The following NBPF9 variants were observed in gnomAD, a reference collection of about 807,000 sequenced individuals.
NBPF9 encodes NBPF family member NBPF9.
Under a neutral mutation model 97.8 loss-of-function variants are expected in NBPF9, and 91 were observed. The ratio of observed to expected loss-of-function variants is 0.93; its 90% CI spans 0.79 to 1.11. The LOEUF is 1.11. Among genes scored for constraint, NBPF9 ranks in the 50% least tolerant of loss-of-function variants. The pLI is 0.00. For synonymous variants in NBPF9, 334 were observed against 359.5 expected (o/e 0.93, Z 0.80); for missense variants, 992 against 939.5 (o/e 1.06, Z -0.73).
intron 5 of NBPF9, among the ~76,000 whole-genome samples, chr1:149,089,168 C>A (rs1372795259): frequency 2.0e-5 from 3 of 152,316 alleles, no homozygotes; most frequent in Admixed American, 1.3e-4. Context: ...CCCGCCATGA[C>A]CTCCAGCCTG....
chr1:149,064,217 T>C (rs1472574896), intron 19 of NBPF9, among the ~76,000 whole-genome samples: 6 of 140,340 alleles, frequency 4.3e-5, no homozygotes, highest in African/African-American at 1.1e-4. Context: ...TTTTGAGGTA[T>C]GGTCAACTTT....
intron 5 of NBPF9, among the ~76,000 whole-genome samples, chr1:149,087,855 C>CA (rs2081140634): frequency 9.0e-6 from 1 of 111,060 alleles, no homozygotes; most frequent in Admixed American, 1.1e-4. Flanking sequence ...TTTTTTGAGA[C>CA]AGAGTCTTGC....
At chr1:149,101,140 A>G in intron 3 of NBPF9, 122 bp downstream of exon 3, 1 of 151,708 alleles carries the variant, frequency 6.6e-6, no homozygotes, top group African/African-American at 2.4e-5. Context: ...TAATCCCAAC[A>G]CTTTGGGAGG....
intron 4 of NBPF9, among the ~76,000 whole-genome samples, chr1:149,097,905 C>T (rs2081895303): frequency 6.6e-6 from 1 of 152,036 alleles, no homozygotes; most frequent in African/African-American, 2.4e-5. Context: ...AAAGTGGCCT[C>T]TCTTTTAACC....
At chr1:149,065,164 A>T (rs1575829764) in intron 18 of NBPF9, 1 of 603,718 alleles carries the variant, frequency 1.7e-6, no homozygotes, top group East Asian at 2.8e-5. Flanking sequence ...AAAACTCATA[A>T]GGAATTTTGT....
exon 16 of NBPF9, chr1:149,070,954 T>A (rs1347230966): frequency 5.0e-6 from 8 of 1,612,626 alleles, no homozygotes; most frequent in East Asian, 4.5e-5. Flanking sequence ...GTGTACAGCA[T>A]CTTCCCGTTC....
intron 12 of NBPF9, 57 bp downstream of exon 12, chr1:149,075,598 A>G (rs1553654090): frequency 1.3e-6 from 2 of 1,486,972 alleles, no homozygotes; most frequent in East Asian, 2.3e-5. Flanking sequence ...TTAGTTCCTC[A>G]GAGAGAAGAC....
At chr1:149,072,382 G>A (rs1390862616) in intron 14 of NBPF9, among the ~76,000 whole-genome samples, 3 of 152,136 alleles carry the variant, frequency 2.0e-5, no homozygotes, top group African/African-American at 7.2e-5. Context: ...CGAAAAGACA[G>A]CCTGGGAACC....
In NBPF9 at chr1:149,060,071, C is replaced by A; in HGVS notation, c.2477-263G>T. On this transcript the variant is annotated intron_variant, in intron 24 of 29. Transcript: ENST00000584027. ...TCCCAAATTTGTGCAAACAGTTATG[C>A]CATATTTTTCCAATCAATTTAAAGC... The A allele has an allele frequency of 9.8e-6, 3 of 306,492 alleles. 1 individual carries two copies. The highest frequency in any genetic ancestry group is 1.8e-5 in the Non-Finnish European group (3 of 167,570). The allele number at this position is 306,492 out of a possible 1,614,324, so 19.0% of individuals were successfully genotyped here.
intron 27 of NBPF9, among the ~76,000 whole-genome samples, chr1:149,057,760 G>A (rs61807983): frequency 9.4e-6 from 1 of 106,462 alleles, no homozygotes; most frequent in African/African-American, 3.4e-5. Context: ...CACAGAGAGA[G>A]AGAGAGAGAG....
chr1:149,059,740 T>C (rs2078480551), exon 25 of NBPF9: 3 of 587,954 alleles, frequency 5.1e-6, no homozygotes, highest in Non-Finnish European at 8.9e-6. Context: ...CCTTCTTTTC[T>C]TCCCCTTCTT....
At chr1:149,076,477 T>A (rs1275358849) in intron 11 of NBPF9, among the ~76,000 whole-genome samples, 1 of 149,438 alleles carries the variant, frequency 6.7e-6, no homozygotes, top group Non-Finnish European at 1.5e-5. Flanking sequence ...GATTAAGATG[T>A]GAGCCAGCGC....
At chr1:149,080,403 A>C (rs1429515959) in intron 7 of NBPF9, among the ~76,000 whole-genome samples, 1 of 150,650 alleles carries the variant, frequency 6.6e-6, no homozygotes, top group South Asian at 2.1e-4. Flanking sequence ...ATTCAACCAC[A>C]ACGAAGTGGA....
chr1:149,101,393 GAA>G lies in NBPF9; in HGVS notation c.-723-16_-723-15del, dbSNP rs1246585001. On this transcript the variant is annotated splice_polypyrimidine_tract_variant and intron_variant, in intron 2 of 29. Transcript: ENST00000584027. ...ACAGAGTGAGATCTTGTCTCAAAAA[GAA>G]AAAAAAAAGTTAGAGAATCTCCATT... is the stretch of plus-strand genomic sequence containing the variant. The G allele has an allele frequency of 7.6e-6, 1 of 131,352 alleles. No individual in the cohort carries two copies. The highest frequency in any genetic ancestry group is 1.6e-5 in the Non-Finnish European group (1 of 61,018). The allele number at this position is 131,352 out of a possible 1,614,324, so 8.1% of individuals were successfully genotyped here.
chr1:149,079,260 G>T lies in NBPF9; in HGVS notation c.279-39C>A, dbSNP rs77394861. On this transcript the variant is annotated intron_variant, in intron 8 of 29. Transcript: ENST00000584027. ...GTAGAGAAAATTTAAGAGTAGAAAG[G>T]GTTGAGTGATCCGTTCAAATATTGC... The T allele has an allele frequency of 0.039, 40,839 of 1,054,686 alleles. 4,625 individuals carry two copies. The East Asian group carries it at 0.42, about 11-fold the overall frequency. 65.3% of individuals were successfully genotyped at this position (1,054,686 alleles called of 1,614,324 possible).
chr1:149,070,667 G>A (rs1291407684), intron 16 of NBPF9, among the ~76,000 whole-genome samples: 2 of 151,890 alleles, frequency 1.3e-5, no homozygotes, highest in Non-Finnish European at 2.9e-5. Context: ...ATCGAAGCTA[G>A]GAGGCCTGAC....
intron 12 of NBPF9, among the ~76,000 whole-genome samples, chr1:149,074,866 C>T (rs2079721768): frequency 6.6e-6 from 1 of 151,164 alleles, no homozygotes; most frequent in Non-Finnish European, 1.5e-5. Flanking sequence ...GGCTGGAGTG[C>T]AATGGCAAAA....
In NBPF9 at chr1:149,077,818, G is replaced by A. The variant is rs1332085742; in HGVS notation, c.566+65C>T. ...TTGGCCCACCATAGATGCCAGAGAG[G>A]GTGTGCCTCCTAGACATCTTCATAT... On this transcript the variant is annotated intron_variant, in intron 10 of 29. Transcript: ENST00000584027. 3.3e-5 allele frequency: 53 copies of A among 1,591,122 alleles called. 2 individuals carry two copies. In the Middle Eastern group the frequency reaches 6.7e-4, roughly 20 times the overall value.
intron 1 of NBPF9, among the ~76,000 whole-genome samples, 189 bp from the exon 2 acceptor site, chr1:149,103,036 A>C (rs1274274116): frequency 8.6e-5 from 13 of 150,394 alleles, no homozygotes; most frequent in Non-Finnish European, 1.9e-4. Flanking sequence ...TCGTCCCTCC[A>C]CCCCCTGGGA....
Sources: gnomAD v4.1 joint callset for allele counts (sites outside exome capture counted in the v4.1 genomes callset) on GRCh38, gnomAD v4.1.1 for gene constraint, MANE v1.5 for transcripts, NCBI Gene and HGNC (gene_info 2026-07-23, HGNC 2026-07-21) for gene names.